CAPN2: variants seen among roughly 807,000 people sequenced by gnomAD.
CAPN2 encodes the protein calpain 2.
In CAPN2, 92 loss-of-function variants were observed where a neutral mutation model predicts 102.3. The ratio of observed to expected loss-of-function variants is 0.90; its 90% CI spans 0.76 to 1.07. CAPN2 has a LOEUF of 1.07. Ranked by LOEUF, CAPN2 falls within the 50% of genes least tolerant of loss-of-function variation. The probability of loss-of-function intolerance (pLI) is 0.00; values close to 1 mark genes in which losing one functional copy is unlikely to be tolerated. For missense variants in CAPN2, 800 were observed against 909.4 expected, an observed-to-expected ratio of 0.88 and a Z score of 1.55; for synonymous variants, 340 against 355.4, an observed-to-expected ratio of 0.96 and a Z score of 0.49.
At chr1:223,713,637 G>A (rs1172436174) in intron 1 of CAPN2, among the ~76,000 whole-genome samples, 1 of 152,046 alleles carries the variant, frequency 6.6e-6, no homozygotes, top group Non-Finnish European at 1.5e-5. Context: ...TCCTCCTTTG[G>A]GACACTTCCC....
intron 9 of CAPN2, 84 bp downstream of exon 9, chr1:223,753,040 C>A: frequency 2.3e-6 from 3 of 1,324,836 alleles, no homozygotes; most frequent in South Asian, 2.6e-5. Context: ...GTGTACCACA[C>A]CCCAGCCTAG....
chr1:223,751,952 G>C (rs372279906), intron 7 of CAPN2, 45 bp from the exon 8 acceptor site: 34 of 1,338,130 alleles, frequency 2.5e-5, no homozygotes, highest in Non-Finnish European at 3.2e-5. Flanking sequence ...CCTTTGGGGA[G>C]AAATCATCGT....
intron 8 of CAPN2, 71 bp from the exon 9 acceptor site, chr1:223,752,725 T>G (rs1461704534): frequency 1.9e-5 from 29 of 1,491,710 alleles, no homozygotes; most frequent in Non-Finnish European, 2.7e-5. Context: ...CCTGGTCTGG[T>G]GTTGGTGGAA....
chr1:223,702,412 G>A (rs1166193388), intron 1 of CAPN2, among the ~76,000 whole-genome samples: 3 of 151,812 alleles, frequency 2.0e-5, no homozygotes, highest in East Asian at 3.9e-4. Context: ...GGTTGACAGA[G>A]TGAGACCCTG....
At chr1:223,706,265 G>C (rs1046257405) in intron 1 of CAPN2, among the ~76,000 whole-genome samples, 1 of 152,150 alleles carries the variant, frequency 6.6e-6, no homozygotes, top group Non-Finnish European at 1.5e-5. Flanking sequence ...TGCCTCTTCA[G>C]CTCTTGGAAT....
intron 2 of CAPN2, among the ~76,000 whole-genome samples, chr1:223,732,105 G>A (rs1185661377): frequency 6.6e-6 from 1 of 152,124 alleles, no homozygotes; most frequent in African/African-American, 2.4e-5. Flanking sequence ...GTAAGCAGGT[G>A]TGGGGTCACG....
chr1:223,706,605 CAACAT>C (rs1195761506), intron 1 of CAPN2, among the ~76,000 whole-genome samples: 2 of 152,178 alleles, frequency 1.3e-5, no homozygotes, highest in African/African-American at 2.4e-5. Context: ...CTCTACAACA[CAACAT>C]GTCAGCTGCT....
upstream of CAPN2, among the ~76,000 whole-genome samples, chr1:223,710,613 T>A (rs1325315505): frequency 6.6e-6 from 1 of 152,156 alleles, no homozygotes; most frequent in Non-Finnish European, 1.5e-5. Flanking sequence ...TTAGGTCTGA[T>A]AAGAAACATT....
At chr1:223,741,463 TATATA>T (rs1660613824) in intron 2 of CAPN2, among the ~76,000 whole-genome samples, 1 of 145,670 alleles carries the variant, frequency 6.9e-6, no homozygotes. Context: ...TATATATATA[TATATA>T]TTTGAGAGGG....
At chr1:223,738,526 T>C (rs984827081) in intron 2 of CAPN2, among the ~76,000 whole-genome samples, 2 of 152,226 alleles carry the variant, frequency 1.3e-5, no homozygotes, top group African/African-American at 4.8e-5. Flanking sequence ...TAAGAGGACA[T>C]GGCATTTTTA....
At chr1:223,757,282 A>G in intron 10 of CAPN2, 87 bp from the exon 11 acceptor site, 1 of 1,432,828 alleles carries the variant, frequency 7.0e-7, no homozygotes. Context: ...TACAGAGAAA[A>G]CGGGGGCAGC....
rs139110414 is a variant in CAPN2 at position 223,754,988 on chromosome 1, G to A, written c.1136-492G>A. Among the ~76,000 whole-genome samples, 67 of 152,228 alleles carry A rather than the reference G, an allele frequency of 4.4e-4. No individual in the cohort carries two copies. Among genetic ancestry groups the A allele is most frequent in the African/African-American group, 1.6e-3 (66 of 41,526 alleles). On this transcript the variant is annotated intron_variant, in intron 9 of 20. Coordinates refer to ENST00000295006, the MANE Select transcript of CAPN2 (RefSeq NM_001748.5). This position sits in a 1 kb window ranked among gnomAD's most constrained non-coding sequence, Gnocchi z 4.7. Reference sequence around the variant, plus strand: ...CCAGTCCCCAAGACAAGCCAGCCTGGAGCCAGAGAGAGAACTGCAAGAGAA... The same window carrying A: ...CCAGTCCCCAAGACAAGCCAGCCTGAAGCCAGAGAGAGAACTGCAAGAGAA...
At position 223,712,684 on chromosome 1, in the gene CAPN2, C is replaced by T. The variant is rs775516137; in HGVS notation, c.44C>T (p.Ala15Val). The T allele has an allele frequency of 1.3e-6, 2 of 1,560,408 alleles. No homozygotes were observed. Among genetic ancestry groups the T allele is most frequent in the Non-Finnish European group, 1.7e-6 (2 of 1,155,468 alleles). The change falls in exon 1 of 21, where the codon GCC becomes GTC. Residue 15 changes from alanine (A) to valine (V), a missense_variant. Coordinates refer to ENST00000295006, the MANE Select transcript of CAPN2 (RefSeq NM_001748.5). The part of the protein sequence containing the change: ...AAKLAKDREA[A>V]EGLGSHDRAI... ...AAGCTGGCGAAGGACCGGGAGGCGGCCGAGGGGCTGGGCTCCCACGACAGG... is the reference window on the plus strand; with the variant it reads ...AAGCTGGCGAAGGACCGGGAGGCGGTCGAGGGGCTGGGCTCCCACGACAGG...
chr1:223,743,677 A>T (rs908545379), intron 2 of CAPN2, among the ~76,000 whole-genome samples: 1 of 151,974 alleles, frequency 6.6e-6, no homozygotes, highest in African/African-American at 2.4e-5. Flanking sequence ...CCAAACTCCC[A>T]TTCAAAGCCT....
chr1:223,742,978 C>G (rs1660661648), intron 2 of CAPN2, among the ~76,000 whole-genome samples: 1 of 152,312 alleles, frequency 6.6e-6, no homozygotes, highest in South Asian at 2.1e-4. Context: ...TTCCCAGGCC[C>G]CCTCCCCTTT....
intron 2 of CAPN2, among the ~76,000 whole-genome samples, chr1:223,733,093 A>G (rs908914015): frequency 6.6e-6 from 1 of 152,142 alleles, no homozygotes; most frequent in East Asian, 1.9e-4. Flanking sequence ...GACAGCCAGC[A>G]CCAACCTGCC....
intron 2 of CAPN2, among the ~76,000 whole-genome samples, chr1:223,736,051 T>C (rs1252652287): frequency 1.3e-5 from 2 of 152,134 alleles, no homozygotes; most frequent in African/African-American, 2.4e-5. Flanking sequence ...GTGCTGAGAT[T>C]ACAGGGTGAG....
Position 223,759,329 on chromosome 1 carries a change from G to T in CAPN2, c.1377G>T (p.Arg459Ser), listed in dbSNP as rs752203334. ...SKNFFLTNRA[R>S]ERSDTFINLR... Reference sequence around the variant, plus strand: ...ACTTCTTCCTGACGAATCGCGCCAGGGAGCGCTCAGACACCTTCATCAACC... The same window carrying T: ...ACTTCTTCCTGACGAATCGCGCCAGTGAGCGCTCAGACACCTTCATCAACC... Residue 459 changes from arginine (R) to serine (S), a missense_variant, in exon 12 of 21, where the codon AGG (arginine) becomes AGT (serine). Coordinates refer to ENST00000295006, the MANE Select transcript of CAPN2 (RefSeq NM_001748.5). The surrounding 1 kb of genome is among the most constrained non-coding windows in gnomAD (Gnocchi z 4.6). The T allele has an allele frequency of 1.2e-6, 2 of 1,614,192 alleles. No homozygotes were observed. The highest frequency in any genetic ancestry group is 1.7e-6 in the Non-Finnish European group (2 of 1,180,042).
chr1:223,734,260 C>G (rs1660398104), intron 2 of CAPN2, among the ~76,000 whole-genome samples: 1 of 152,230 alleles, frequency 6.6e-6, no homozygotes. Flanking sequence ...ACACCCTTCT[C>G]AGTGCTCCCC....
Sources: allele counts gnomAD v4.1 joint callset (sites outside exome capture counted in the v4.1 genomes callset), GRCh38; gene constraint gnomAD v4.1.1; non-coding constraint Gnocchi (gnomAD v3.1); transcripts MANE v1.5; gene names NCBI Gene and HGNC (gene_info 2026-07-23, HGNC 2026-07-21).